TBXAS1: variants seen among roughly 807,000 people sequenced by gnomAD.
The protein encoded by TBXAS1 is thromboxane A synthase 1.
TBXAS1 carries 48 observed loss-of-function variants against 60.7 expected under a neutral mutation model. The observed-to-expected ratio is 0.79, with a 90% confidence interval of 0.63 to 1.01. The LOEUF (loss-of-function observed/expected upper bound fraction) is 1.01. Among genes scored for constraint, TBXAS1 ranks in the 50% least tolerant of loss-of-function variants. The probability of loss-of-function intolerance (pLI) is 0.00; values close to 1 mark genes in which losing one functional copy is unlikely to be tolerated. For missense variants in TBXAS1, 685 were observed against 686.3 expected (o/e 1.00, Z 0.02); for synonymous variants, 287 against 269.7 (o/e 1.06, Z -0.63).
chr7:139,857,811 G>A (rs1195357310), intron 1 of TBXAS1, among the ~76,000 whole-genome samples: 2 of 151,168 alleles, frequency 1.3e-5, no homozygotes, highest in East Asian at 3.9e-4. Flanking sequence ...GCTTACTGCA[G>A]CCTCTAATTC....
intron 9 of TBXAS1, among the ~76,000 whole-genome samples, chr7:139,996,634 C>T (rs1159470699): frequency 6.6e-6 from 1 of 152,232 alleles, no homozygotes; most frequent in Non-Finnish European, 1.5e-5. Context: ...TCCCTTTCAT[C>T]TCTCTTCATT....
chr7:139,950,328 G>A (rs977533491), intron 5 of TBXAS1, among the ~76,000 whole-genome samples: 8 of 152,090 alleles, frequency 5.3e-5, no homozygotes, highest in Non-Finnish European at 1.0e-4. Context: ...GAGCCACCAC[G>A]CCTGGCCAGG....
upstream of TBXAS1, among the ~76,000 whole-genome samples, chr7:139,825,681 G>A (rs747800897): frequency 4.6e-5 from 7 of 152,146 alleles, no homozygotes; most frequent in East Asian, 3.9e-4. Flanking sequence ...GAAGGGCTTC[G>A]GAGACCTAGA....
At chr7:139,952,880 A>G (rs1809526319) in intron 5 of TBXAS1, among the ~76,000 whole-genome samples, 1 of 152,248 alleles carries the variant, frequency 6.6e-6, no homozygotes, top group South Asian at 2.1e-4. Flanking sequence ...TTAAATAAGA[A>G]GTTGAAATGG....
chr7:139,845,976 T>C (rs1225862227), intron 1 of TBXAS1, among the ~76,000 whole-genome samples: 1 of 151,936 alleles, frequency 6.6e-6, no homozygotes, highest in African/African-American at 2.4e-5. Context: ...AAGCGAGCAC[T>C]ACCACCCCAG....
chr7:139,952,406 G>T (rs1204875779), intron 5 of TBXAS1: 4 of 1,077,638 alleles, frequency 3.7e-6, no homozygotes, highest in Admixed American at 3.0e-5. Flanking sequence ...ATATTCTAGT[G>T]TGAAAATCAT....
intron 5 of TBXAS1, among the ~76,000 whole-genome samples, chr7:139,941,044 A>G (rs758787706): frequency 6.6e-6 from 1 of 152,220 alleles, no homozygotes; most frequent in Non-Finnish European, 1.5e-5. Context: ...AATGAGCCAC[A>G]GTGTTAGGAG....
At chr7:139,951,277 T>C (rs1197744583) in intron 5 of TBXAS1, among the ~76,000 whole-genome samples, 1 of 152,140 alleles carries the variant, frequency 6.6e-6, no homozygotes, top group African/African-American at 2.4e-5. Context: ...AAAGTCAACA[T>C]AAAACTGGCT....
intron 4 of TBXAS1, among the ~76,000 whole-genome samples, chr7:139,800,401 T>G (rs997811829): frequency 3.3e-5 from 5 of 151,968 alleles, no homozygotes; most frequent in African/African-American, 4.8e-5. Flanking sequence ...CTAATGACCC[T>G]CCTCCCTGCT....
intron 9 of TBXAS1, among the ~76,000 whole-genome samples, chr7:139,964,314 A>G (rs1810613468): frequency 6.6e-6 from 1 of 152,084 alleles, no homozygotes; most frequent in South Asian, 2.1e-4. Flanking sequence ...CGAACTCCCA[A>G]CCTCAGGTGA....
At chr7:139,790,231 G>A (rs1797340335) in intron 4 of TBXAS1, among the ~76,000 whole-genome samples, 1 of 152,206 alleles carries the variant, frequency 6.6e-6, no homozygotes, top group Admixed American at 6.5e-5. Flanking sequence ...AAAGCTGATA[G>A]AGCATTAGTT....
chr7:139,814,881 T>C (rs1264157866), intron 4 of TBXAS1, among the ~76,000 whole-genome samples: 2 of 152,160 alleles, frequency 1.3e-5, no homozygotes, highest in Non-Finnish European at 2.9e-5. Context: ...TCTGGTGTCC[T>C]GGTCCCTAGG....
intron 1 of TBXAS1, among the ~76,000 whole-genome samples, chr7:139,845,603 G>C (rs980504646): frequency 2.0e-5 from 3 of 152,072 alleles, no homozygotes; most frequent in African/African-American, 7.2e-5. Flanking sequence ...TGTGCCAGGG[G>C]CACTCAACAC....
chr7:139,824,830 T>TTTTCCTTTTTTCTTTTC (rs572306657), upstream of TBXAS1, among the ~76,000 whole-genome samples: 5 of 128,412 alleles, frequency 3.9e-5, no homozygotes, highest in East Asian at 1.2e-3. Flanking sequence ...TTTCCTTTTC[T>TTTTCCTTTTTTCTTTTC]TTTTTTTTTT....
chr7:139,883,387 C>A (rs1010381856), intron 3 of TBXAS1, among the ~76,000 whole-genome samples: 6 of 152,088 alleles, frequency 3.9e-5, no homozygotes, highest in African/African-American at 1.5e-4. Flanking sequence ...GGACTTCTAA[C>A]TTCTTCTTTC....
intron 4 of TBXAS1, among the ~76,000 whole-genome samples, chr7:139,929,039 G>T (rs11971005): frequency 1.3e-3 from 191 of 152,214 alleles, no homozygotes; most frequent in Non-Finnish European, 2.3e-3. Flanking sequence ...TCACGAGAAG[G>T]ACCACACCCT....
At chr7:139,782,074 C>G (rs1797017502) in intron 2 of TBXAS1, among the ~76,000 whole-genome samples, 1 of 151,704 alleles carries the variant, frequency 6.6e-6, no homozygotes, top group Admixed American at 6.6e-5. Flanking sequence ...AGTCATGGGC[C>G]TGAGACAATG....
At chr7:139,812,794 C>T (rs963671222) in intron 4 of TBXAS1, among the ~76,000 whole-genome samples, 3 of 152,112 alleles carry the variant, frequency 2.0e-5, no homozygotes, top group South Asian at 2.1e-4. Context: ...CGGTGACTCA[C>T]GCCTGTAATC....
At chr7:139,902,848 C>A (rs1317507424) in intron 3 of TBXAS1, among the ~76,000 whole-genome samples, 1 of 152,110 alleles carries the variant, frequency 6.6e-6, no homozygotes, top group East Asian at 1.9e-4. Flanking sequence ...TGAACTTCAC[C>A]AATGGCTAAT....
Sources: allele counts gnomAD v4.1 joint callset (sites outside exome capture counted in the v4.1 genomes callset), GRCh38; gene constraint gnomAD v4.1.1; transcripts MANE v1.5; gene names NCBI Gene and HGNC (gene_info 2026-07-23, HGNC 2026-07-21).